Variants in CSMD1 observed in about 807,000 individuals in gnomAD.
The protein encoded by CSMD1 is CUB and sushi domain-containing protein 1.
CSMD1 carries 213 observed loss-of-function variants against 417.5 expected under a neutral mutation model. The ratio of observed to expected loss-of-function variants is 0.51; its 90% CI spans 0.46 to 0.57. The LOEUF (loss-of-function observed/expected upper bound fraction) is 0.57. Ranked by LOEUF, CSMD1 falls within the 20% of genes least tolerant of loss-of-function variation. CSMD1 has a pLI of 0.00. For missense variants in CSMD1, 6,923 were observed against 4,529.7 expected (o/e 1.53, Z -15.17); for synonymous variants, 2,862 against 1,736.8 (o/e 1.65, Z -16.11).
intron 23 of CSMD1, among the ~76,000 whole-genome samples, chr8:3,318,417 T>C (rs74905657): frequency 0.02 from 3,049 of 152,284 alleles, 41 homozygotes; most frequent in East Asian, 0.036. Flanking sequence ...CTTCAGATAT[T>C]TTGCTAGACG....
chr8:4,617,279 T>C lies in CSMD1; in HGVS notation c.302+20063A>G, dbSNP rs200948440. Reference sequence around the variant, plus strand: ...GAGCGATTACTTGCTTCACCTTCTTTTGTTGGATAATGTCTATAAACTGAT... The same window carrying C: ...GAGCGATTACTTGCTTCACCTTCTTCTGTTGGATAATGTCTATAAACTGAT... On this transcript the variant is annotated intron_variant, in intron 2 of 69. Transcript: ENST00000635120. Among the ~76,000 whole-genome samples the C allele has an allele frequency of 5.9e-5, 9 of 152,298 alleles. No individual in the cohort carries two copies. The East Asian group carries it at 1.7e-3, about 29-fold the overall frequency.
At chr8:3,978,081 C>T (rs959421828) in intron 5 of CSMD1, among the ~76,000 whole-genome samples, 1 of 152,192 alleles carries the variant, frequency 6.6e-6, no homozygotes, top group Non-Finnish European at 1.5e-5. Context: ...AACTGTGAAA[C>T]TCGGTGTCTG....
intron 18 of CSMD1, among the ~76,000 whole-genome samples, chr8:3,385,679 G>T (rs1015219260): frequency 1.3e-5 from 2 of 152,060 alleles, no homozygotes; most frequent in African/African-American, 4.8e-5. Context: ...ATTTATGAAA[G>T]CGATATATTA....
chr8:4,721,590 T>C (rs143396623), intron 1 of CSMD1, among the ~76,000 whole-genome samples: 62 of 152,306 alleles, frequency 4.1e-4, no homozygotes, highest in African/African-American at 1.4e-3. Flanking sequence ...AGAAATGAAC[T>C]GCTGTGCACT....
At chr8:2,972,103 T>C (rs1194997439) in intron 57 of CSMD1, among the ~76,000 whole-genome samples, 1 of 152,090 alleles carries the variant, frequency 6.6e-6, no homozygotes, top group Non-Finnish European at 1.5e-5. Flanking sequence ...TATTTAGCGT[T>C]ATTTTATATG....
intron 5 of CSMD1, among the ~76,000 whole-genome samples, chr8:3,803,488 A>G (rs1202243875): frequency 1.3e-5 from 2 of 152,202 alleles, no homozygotes; most frequent in Non-Finnish European, 2.9e-5. Context: ...CAGAGGCTGA[A>G]TAACAAGAAG....
At chr8:4,622,953 C>A (rs182170780) in intron 2 of CSMD1, among the ~76,000 whole-genome samples, 6 of 151,950 alleles carry the variant, frequency 3.9e-5, no homozygotes, top group African/African-American at 1.5e-4. Context: ...CAGTTAAATT[C>A]AAAGTTTTTT....
At chr8:4,769,834 G>T (rs1023713844) in intron 1 of CSMD1, among the ~76,000 whole-genome samples, 1 of 151,984 alleles carries the variant, frequency 6.6e-6, no homozygotes, top group South Asian at 2.1e-4. Flanking sequence ...TTATGTTGTT[G>T]TTATTATGTT....
At chr8:4,244,605 A>C (rs1802591575) in intron 3 of CSMD1, among the ~76,000 whole-genome samples, 1 of 151,980 alleles carries the variant, frequency 6.6e-6, no homozygotes, top group South Asian at 2.1e-4. Context: ...TGTCTCCCAG[A>C]AAAACAGTGC....
At chr8:3,853,361 A>C (rs1471755992) in intron 5 of CSMD1, among the ~76,000 whole-genome samples, 4 of 152,188 alleles carry the variant, frequency 2.6e-5, no homozygotes, top group Non-Finnish European at 5.9e-5. Context: ...TACTTTAAAA[A>C]GGTATTGTTA....
intron 1 of CSMD1, among the ~76,000 whole-genome samples, chr8:4,709,074 A>G (rs1389196295): frequency 6.6e-6 from 1 of 152,202 alleles, no homozygotes; most frequent in Non-Finnish European, 1.5e-5. Flanking sequence ...GCCCTAGCAA[A>G]GTAATATGCT....
intron 2 of CSMD1, among the ~76,000 whole-genome samples, chr8:4,531,419 C>G (rs1318906630): frequency 6.6e-6 from 1 of 152,170 alleles, no homozygotes; most frequent in Non-Finnish European, 1.5e-5. Flanking sequence ...AATCTCAACT[C>G]TATTGATTGC....
intron 2 of CSMD1, among the ~76,000 whole-genome samples, chr8:4,433,871 C>G (rs1214392588): frequency 6.6e-6 from 1 of 152,068 alleles, no homozygotes; most frequent in African/African-American, 2.4e-5. Flanking sequence ...CACACAGGCA[C>G]AGCCCCATTT....
chr8:3,310,400 C>G (rs1437999564), intron 23 of CSMD1, among the ~76,000 whole-genome samples: 1 of 152,180 alleles, frequency 6.6e-6, no homozygotes, highest in South Asian at 2.1e-4. Context: ...GGCAGTCCTG[C>G]CCAGCATTGG....
chr8:3,057,862 T>C (rs1166532440), intron 49 of CSMD1, among the ~76,000 whole-genome samples: 1 of 152,202 alleles, frequency 6.6e-6, no homozygotes, highest in Non-Finnish European at 1.5e-5. Context: ...AGTTTAAAAA[T>C]TTATAGTGGT....
intron 17 of CSMD1, among the ~76,000 whole-genome samples, chr8:3,394,051 T>TATAC (rs1563342456): frequency 8.2e-6 from 1 of 122,524 alleles, no homozygotes. Flanking sequence ...TATATATATA[T>TATAC]ATATAGAAAA....
intron 2 of CSMD1, among the ~76,000 whole-genome samples, chr8:4,563,611 A>G (rs17344447): frequency 0.044 from 6,768 of 152,278 alleles, 207 homozygotes; most frequent in Non-Finnish European, 0.059. Flanking sequence ...TCTCTTTAAA[A>G]CAATTAAAAC....
At chr8:4,802,449 A>T (rs1367450003) in intron 1 of CSMD1, among the ~76,000 whole-genome samples, 1 of 152,150 alleles carries the variant, frequency 6.6e-6, no homozygotes, top group African/African-American at 2.4e-5. Context: ...GTGCCATCTC[A>T]CAGTGGACTT....
In CSMD1 at chr8:4,748,295, A is replaced by G. The variant is rs1292561991; in HGVS notation, c.86-110737T>C. ...ACACAAGCAAATCATCATCCTTTCTACAAGAGAAGCCAGAGTGCACCATCT... is the reference window on the plus strand; with the variant it reads ...ACACAAGCAAATCATCATCCTTTCTGCAAGAGAAGCCAGAGTGCACCATCT... On this transcript the variant is annotated intron_variant, in intron 1 of 69. Coordinates refer to ENST00000635120, the MANE Select transcript of CSMD1 (RefSeq NM_033225.6). 3.3e-5 allele frequency among the ~76,000 whole-genome samples: 5 copies of G among 152,380 alleles called. No individual in the cohort carries two copies. The East Asian group carries it at 7.7e-4, about 23-fold the overall frequency.
Sources: gnomAD v4.1 joint callset for allele counts (sites outside exome capture counted in the v4.1 genomes callset) on GRCh38, gnomAD v4.1.1 for gene constraint, MANE v1.5 for transcripts, NCBI Gene and HGNC (gene_info 2026-07-23, HGNC 2026-07-21) for gene names.